The following SPAM1 variants were observed in gnomAD, a reference collection of about 807,000 sequenced individuals.
SPAM1 encodes hyaluronidase PH-20.
A neutral mutation model predicts 29.6 loss-of-function variants in SPAM1; 22 were observed. That is an observed-to-expected ratio of 0.74 (90% CI 0.53 to 1.06). The LOEUF (loss-of-function observed/expected upper bound fraction) is 1.06, where lower values mean the gene tolerates loss of function less well. Among genes scored for constraint, SPAM1 ranks in the 50% least tolerant of loss-of-function variants. The probability of loss-of-function intolerance (pLI) is 0.00; values close to 1 mark genes in which losing one functional copy is unlikely to be tolerated. For synonymous variants in SPAM1, 194 were observed against 204.6 expected (o/e 0.95, Z 0.44); for missense variants, 534 against 604.0 (o/e 0.88, Z 1.21).
chr7:123,953,324 T>A, intron 2 of SPAM1, 41 bp from the exon 3 acceptor site: 1 of 377,092 alleles, frequency 2.7e-6, no homozygotes, highest in Non-Finnish European at 4.7e-6. Flanking sequence ...TTCTTTATTA[T>A]GAAATGCATC....
intron 1 of SPAM1, among the ~76,000 whole-genome samples, chr7:123,944,536 T>C (rs1054865013): frequency 1.2e-4 from 19 of 152,190 alleles, no homozygotes; most frequent in Non-Finnish European, 2.1e-4. Flanking sequence ...ACTTCTGCAA[T>C]GTGACTGCTG....
chr7:123,930,253 A>G (rs767137183), intron 1 of SPAM1, among the ~76,000 whole-genome samples: 1 of 152,142 alleles, frequency 6.6e-6, no homozygotes, highest in Non-Finnish European at 1.5e-5. Context: ...CAAATATAAA[A>G]GTTTTTCCAA....
At chr7:123,970,647 A>C (rs1461171232) in intron 6 of SPAM1, among the ~76,000 whole-genome samples, 1 of 150,556 alleles carries the variant, frequency 6.6e-6, no homozygotes, top group Non-Finnish European at 1.5e-5. Flanking sequence ...AGGGTTTAAG[A>C]ACTTCAACAT....
chr7:123,954,178 CTA>C lies in SPAM1; in HGVS notation c.611_612del (p.Ile204LysfsTer26). The stretch of plus-strand genomic sequence containing the variant: ...GCAGGGAAGGATTTCCTGGTAGAGA[CTA>C]TAAAATTGGGAAAATTACTTCGGCC... On this transcript the variant is annotated frameshift_variant, in exon 3 of 5. Coordinates refer to ENST00000682466, the MANE Select transcript of SPAM1 (RefSeq NM_153189.3). LOFTEE classifies it high-confidence loss of function. The C allele has an allele frequency of 1.2e-6, 2 of 1,613,456 alleles. No homozygotes were observed. The highest frequency in any genetic ancestry group is 1.7e-6 in the Non-Finnish European group (2 of 1,179,698).
At chr7:123,942,793 T>C (rs1397514386) in intron 1 of SPAM1, among the ~76,000 whole-genome samples, 2 of 152,170 alleles carry the variant, frequency 1.3e-5, no homozygotes, top group Admixed American at 6.5e-5. Context: ...CTGAAGGGGC[T>C]TTTATTGCCT....
chr7:123,944,418 G>A (rs964466764), intron 1 of SPAM1, among the ~76,000 whole-genome samples: 2 of 152,048 alleles, frequency 1.3e-5, no homozygotes, highest in African/African-American at 2.4e-5. Context: ...TTTAATCTCA[G>A]TTTTTTTCCT....
rs1792198627 is a variant in SPAM1, at chr7:123,954,402, G to C, written c.832G>C (p.Val278Leu). The C allele has an allele frequency of 1.9e-6, 3 of 1,613,364 alleles. No individual in the cohort carries two copies. Among genetic ancestry groups the C allele is most frequent in the Non-Finnish European group, 2.5e-6 (3 of 1,179,606 alleles). Reference sequence around the variant, plus strand: ...GTCTCCTGTAGCTGCTACACTCTATGTGCGCAATCGAGTTCGGGAAGCCAT... The same window carrying C: ...GTCTCCTGTAGCTGCTACACTCTATCTGCGCAATCGAGTTCGGGAAGCCAT... The part of the protein sequence containing the change: ...QQSPVAATLY[V>L]RNRVREAIRV... The change falls in exon 3 of 5, where the codon GTG (valine) becomes CTG (leucine). Residue 278 changes from valine to leucine, a missense_variant. By Grantham distance (32) the Val-to-Leu change is conservative. Coordinates refer to ENST00000682466, the MANE Select transcript of SPAM1 (RefSeq NM_153189.3).
At chr7:123,938,921 C>A (rs143857807) in intron 1 of SPAM1, among the ~76,000 whole-genome samples, 1 of 152,036 alleles carries the variant, frequency 6.6e-6, no homozygotes, top group East Asian at 1.9e-4. Context: ...ATCGCAGAAC[C>A]GGGATTGGTC....
intron 1 of SPAM1, chr7:123,925,735 CA>C (rs59215674): frequency 0.21 from 26,948 of 129,178 alleles, 2,461 homozygotes; most frequent in Admixed American, 0.25. Context: ...GACTCTGTCA[CA>C]AAAAAAAAAA....
chr7:123,960,474 G>A (rs1007130673), downstream of SPAM1, among the ~76,000 whole-genome samples: 1 of 146,738 alleles, frequency 6.8e-6, no homozygotes, highest in Non-Finnish European at 1.5e-5. Flanking sequence ...GAAAACAAAA[G>A]GAGGGAAGAG....
Position 123,933,138 on chromosome 7 carries a change from C to T in SPAM1, c.-319+7786C>T, listed in dbSNP as rs142486597. Among the ~76,000 whole-genome samples the T allele has an allele frequency of 2.4e-3, 356 of 151,396 alleles. 1 individual carries two copies. Among genetic ancestry groups the T allele is most frequent in the Middle Eastern group, 0.01 (3 of 294 alleles). The stretch of plus-strand genomic sequence containing the variant: ...TTACATAGGTATACATGTGCCATGG[C>T]GGTTTGCTTCACCTATCAACCTGTT... On this transcript the variant is annotated intron_variant, in intron 1 of 4. Coordinates refer to ENST00000682466, the MANE Select transcript of SPAM1 (RefSeq NM_153189.3).
At chr7:123,937,305 T>TA (rs1315016779) in intron 1 of SPAM1, among the ~76,000 whole-genome samples, 1 of 152,016 alleles carries the variant, frequency 6.6e-6, no homozygotes, top group Non-Finnish European at 1.5e-5. Flanking sequence ...CATAGCTTCT[T>TA]AAAAAAACAC....
chr7:123,969,631 T>G (rs1254562152), intron 5 of SPAM1, among the ~76,000 whole-genome samples: 1 of 152,098 alleles, frequency 6.6e-6, no homozygotes, highest in Non-Finnish European at 1.5e-5. Context: ...TTCTCTGTCC[T>G]GTTTTGTTGG....
At chr7:123,959,415 C>A (rs1286699715) in intron 4 of SPAM1, 69 bp from the exon 5 acceptor site, 3 of 1,136,952 alleles carry the variant, frequency 2.6e-6, no homozygotes, top group African/African-American at 1.6e-5. Context: ...TTGCTTAATA[C>A]ACTAAATTAA....
Position 123,946,820 on chromosome 7 carries a change from C to T in SPAM1, c.-318-3052C>T, listed in dbSNP as rs575114468. Among the ~76,000 whole-genome samples, 86 of 152,214 alleles carry T rather than the reference C, an allele frequency of 5.6e-4. 1 individual carries two copies. Among genetic ancestry groups the T allele is most frequent in the African/African-American group, 1.8e-3 (76 of 41,548 alleles). The stretch of plus-strand genomic sequence containing the variant: ...ATAAGGTAGAGGAAGCAATCAGATA[C>T]GCATGTCTCAGGTGAGCCTCAGTGG... On this transcript the variant is annotated intron_variant, in intron 1 of 4. Transcript: ENST00000682466.
At chr7:123,969,775 G>T (rs1236796397) in intron 5 of SPAM1, among the ~76,000 whole-genome samples, 1 of 146,434 alleles carries the variant, frequency 6.8e-6, no homozygotes, top group Non-Finnish European at 1.5e-5. Context: ...GGCTATTTGG[G>T]CTCTTTTTTT....
intron 1 of SPAM1, among the ~76,000 whole-genome samples, chr7:123,941,157 T>G (rs1808414982): frequency 6.6e-6 from 1 of 152,188 alleles, no homozygotes; most frequent in African/African-American, 2.4e-5. Context: ...TCTCTTCCCA[T>G]CTTAAAAAGC....
rs1792188225 is a variant in SPAM1 at position 123,954,181 on chromosome 7, T to C, written c.611T>C (p.Ile204Thr). ...GGGAAGGATTTCCTGGTAGAGACTA[T>C]AAAATTGGGAAAATTACTTCGGCCA... is the stretch of plus-strand genomic sequence containing the variant. ...KAGKDFLVET[I>T]KLGKLLRPNH... The change falls in exon 3 of 5, where the codon ATA (isoleucine) becomes ACA (threonine). Residue 204 changes from isoleucine to threonine, a missense_variant. By Grantham distance (89) the Ile-to-Thr change is moderately conservative. Transcript: ENST00000682466. 1.2e-6 allele frequency: 2 copies of C among 1,613,554 alleles called. No individual in the cohort carries two copies. Among genetic ancestry groups the C allele is most frequent in the Non-Finnish European group, 1.7e-6 (2 of 1,179,728 alleles).
chr7:123,968,838 A>C (rs1792462557), intron 5 of SPAM1, among the ~76,000 whole-genome samples: 1 of 152,072 alleles, frequency 6.6e-6, no homozygotes, highest in Non-Finnish European at 1.5e-5. Context: ...AAATGAATTC[A>C]TATGTGTAAG....
Sources: gnomAD v4.1 joint callset for allele counts (sites outside exome capture counted in the v4.1 genomes callset) on GRCh38, gnomAD v4.1.1 for gene constraint, MANE v1.5 for transcripts, NCBI Gene and HGNC (gene_info 2026-07-23, HGNC 2026-07-21) for gene names.